The following SEPTIN7 variants were observed in gnomAD, a reference collection of about 807,000 sequenced individuals.
SEPTIN7 encodes the protein septin-7.
A neutral mutation model predicts 63.3 loss-of-function variants in SEPTIN7; 10 were observed. That is an observed-to-expected ratio of 0.16 (90% CI 0.10 to 0.27). SEPTIN7 has a LOEUF of 0.27. SEPTIN7 is among the 10% of genes least tolerant of loss of function. The pLI is 1.00. For missense variants in SEPTIN7, 310 were observed against 521.0 expected (o/e 0.59, Z 3.94); for synonymous variants, 131 against 165.3 (o/e 0.79, Z 1.59).
At chr7:35,835,954 A>G (rs1042989202) in intron 3 of SEPTIN7, among the ~76,000 whole-genome samples, 1 of 152,128 alleles carries the variant, frequency 6.6e-6, no homozygotes, top group Non-Finnish European at 1.5e-5. Context: ...GCTTGTATGT[A>G]ATTGTGCTTT....
intron 9 of SEPTIN7, among the ~76,000 whole-genome samples, chr7:35,885,385 T>A (rs1257945163): frequency 6.6e-6 from 1 of 152,156 alleles, no homozygotes; most frequent in African/African-American, 2.4e-5. Context: ...ATATTCCTAT[T>A]TGTGATACAT....
intron 11 of SEPTIN7, among the ~76,000 whole-genome samples, chr7:35,893,524 G>A (rs898644918): frequency 6.6e-6 from 1 of 152,136 alleles, no homozygotes; most frequent in Non-Finnish European, 1.5e-5. Flanking sequence ...GAGCCTAAGT[G>A]TGTAGTAGGT....
At chr7:35,883,760 A>G in intron 8 of SEPTIN7, 131 bp from the exon 9 acceptor site, 2 of 515,356 alleles carry the variant, frequency 3.9e-6, no homozygotes, top group East Asian at 3.0e-5. Flanking sequence ...GCCTATAAAA[A>G]CTAATGCAGA....
intron 6 of SEPTIN7, 79 bp downstream of exon 6, chr7:35,873,854 T>C: frequency 7.2e-7 from 1 of 1,384,370 alleles, no homozygotes; most frequent in South Asian, 1.3e-5. Flanking sequence ...TTAGTAATCT[T>C]TAAGTTTGTG....
At chr7:35,909,493 G>C (rs1039162951), downstream of SEPTIN7, among the ~76,000 whole-genome samples, 3 of 152,150 alleles carry the variant, frequency 2.0e-5, no homozygotes, top group African/African-American at 7.2e-5. Context: ...TCTCCAACTT[G>C]TAAGAACTGA....
chr7:35,882,833 A>C (rs1437018801), intron 8 of SEPTIN7, among the ~76,000 whole-genome samples: 1 of 152,100 alleles, frequency 6.6e-6, no homozygotes, highest in African/African-American at 2.4e-5. Context: ...CTTTCATATT[A>C]TGTAATTTTT....
intron 3 of SEPTIN7, among the ~76,000 whole-genome samples, chr7:35,849,514 C>T (rs1475825630): frequency 6.6e-6 from 1 of 152,152 alleles, no homozygotes; most frequent in East Asian, 1.9e-4. Context: ...GCTGTGTGGC[C>T]TGGTTCCTAA....
intron 1 of SEPTIN7, among the ~76,000 whole-genome samples, chr7:35,807,718 G>T (rs746302939): frequency 6.6e-6 from 1 of 150,610 alleles, no homozygotes; most frequent in African/African-American, 2.4e-5. Flanking sequence ...GGCTGGTCTC[G>T]AACTCTCGAC....
At chr7:35,841,188 T>G (rs1784391727) in intron 3 of SEPTIN7, among the ~76,000 whole-genome samples, 1 of 152,056 alleles carries the variant, frequency 6.6e-6, no homozygotes, top group Non-Finnish European at 1.5e-5. Context: ...GCCACTACAC[T>G]TCAGCTTGGG....
At chr7:35,842,919 G>C (rs1784479643) in intron 3 of SEPTIN7, among the ~76,000 whole-genome samples, 1 of 151,984 alleles carries the variant, frequency 6.6e-6, no homozygotes, top group Non-Finnish European at 1.5e-5. Flanking sequence ...TACACACACA[G>C]ACACACACAT....
At chr7:35,885,925 A>C in intron 10 of SEPTIN7, 46 bp downstream of exon 10, 1 of 1,348,422 alleles carries the variant, frequency 7.4e-7, no homozygotes, top group African/African-American at 1.4e-5. Flanking sequence ...TTCTTTCCCT[A>C]AGTAAGAGTT....
At chr7:35,839,817 T>C (rs145458993) in intron 3 of SEPTIN7, among the ~76,000 whole-genome samples, 235 of 152,264 alleles carry the variant, frequency 1.5e-3, no homozygotes, top group Admixed American at 4.8e-3. Flanking sequence ...CCTCCCAAAA[T>C]GCTGGGATTA....
chr7:35,813,370 T>C (rs1562737209), intron 1 of SEPTIN7, among the ~76,000 whole-genome samples: 1 of 152,132 alleles, frequency 6.6e-6, no homozygotes. Flanking sequence ...CCTTTTTTTT[T>C]TTTGGAAAGA....
rs773280859 is a variant in SEPTIN7 at position 35,906,337 on chromosome 7, T to A, written c.*2044T>A. On this transcript the variant is annotated 3_prime_UTR_variant, in exon 14 of 14. Transcript: ENST00000350320. ...TGATACAGGATCTATATAACTTTAC[T>A]AGGACTTTTGATTGTTGACTCCAGG... The A allele has an allele frequency of 3.9e-5, 6 of 152,322 alleles. No homozygotes were observed. The highest frequency in any genetic ancestry group is 8.8e-5 in the Non-Finnish European group (6 of 68,026). The allele number at this position is 152,322 out of a possible 1,614,324, so 9.4% of individuals were successfully genotyped here.
At chr7:35,893,831 T>C (rs1471399145) in intron 11 of SEPTIN7, among the ~76,000 whole-genome samples, 2 of 152,204 alleles carry the variant, frequency 1.3e-5, no homozygotes, top group Non-Finnish European at 2.9e-5. Flanking sequence ...ATCTGAAGAA[T>C]AGCTGAACTT....
intron 1 of SEPTIN7, among the ~76,000 whole-genome samples, chr7:35,817,288 CATT>C (rs1789132338): frequency 6.6e-6 from 1 of 152,036 alleles, no homozygotes; most frequent in Non-Finnish European, 1.5e-5. Context: ...TTTCATCACT[CATT>C]GTTGAAAAGA....
At chr7:35,897,530 A>G (rs1221773545) in intron 11 of SEPTIN7, among the ~76,000 whole-genome samples, 1 of 152,030 alleles carries the variant, frequency 6.6e-6, no homozygotes, top group Non-Finnish European at 1.5e-5. Context: ...TAATTTAACT[A>G]TGCTTATGTC....
At chr7:35,911,989 G>C (rs1788749967), downstream of SEPTIN7, among the ~76,000 whole-genome samples, 1 of 152,186 alleles carries the variant, frequency 6.6e-6, no homozygotes, top group Non-Finnish European at 1.5e-5. Context: ...AATGATGATT[G>C]TGCTTTTAAT....
At chr7:35,875,662 A>T (rs1786429341) in intron 6 of SEPTIN7, among the ~76,000 whole-genome samples, 1 of 152,212 alleles carries the variant, frequency 6.6e-6, no homozygotes, top group South Asian at 2.1e-4. Flanking sequence ...TAAAAAACTG[A>T]CTTGGAACAT....
Sources: allele counts gnomAD v4.1 joint callset (sites outside exome capture counted in the v4.1 genomes callset), GRCh38; gene constraint gnomAD v4.1.1; transcripts MANE v1.5; gene names NCBI Gene and HGNC (gene_info 2026-07-23, HGNC 2026-07-21).